Variants in NAA11 observed in about 807,000 individuals in gnomAD.
NAA11 encodes N-alpha-acetyltransferase 11.
A neutral mutation model predicts 16.1 loss-of-function variants in NAA11; 15 were observed. That is an observed-to-expected ratio of 0.93 (90% CI 0.62 to 1.44). The LOEUF (loss-of-function observed/expected upper bound fraction) is 1.44, where lower values mean the gene tolerates loss of function less well. NAA11 is among the 40% of genes most tolerant of loss of function. The pLI, the probability that NAA11 is intolerant of heterozygous loss-of-function variation, is 0.00. For missense variants in NAA11, 298 were observed against 291.3 expected (o/e 1.02, Z -0.17); for synonymous variants, 122 against 112.4 (o/e 1.09, Z -0.54).
At chr4:79,224,783 A>G (rs1213731744), downstream of NAA11, among the ~76,000 whole-genome samples, 2 of 152,150 alleles carry the variant, frequency 1.3e-5, no homozygotes, top group African/African-American at 2.4e-5. Flanking sequence ...GTCAACGTCA[A>G]CAGTGATCAA....
the NAA11 span, among the ~76,000 whole-genome samples, chr4:79,218,664 A>AT: frequency 6.6e-5 from 10 of 151,990 alleles, no homozygotes; most frequent in African/African-American, 2.4e-4. Flanking sequence ...GCTATTTTTT[A>AT]ATATTTTAAT....
the NAA11 span, among the ~76,000 whole-genome samples, chr4:79,168,074 T>A: frequency 6.6e-6 from 1 of 151,684 alleles, no homozygotes; most frequent in African/African-American, 2.4e-5. Flanking sequence ...CCTGTGTCCA[T>A]GTGTTCTAAT....
chr4:79,261,465 T>C (rs2109974269), intron 2 of NAA11, among the ~76,000 whole-genome samples: 1 of 152,230 alleles, frequency 6.6e-6, no homozygotes, highest in South Asian at 2.1e-4. Context: ...TAATAGAAAA[T>C]CTCAGGCGAC....
the NAA11 span, among the ~76,000 whole-genome samples, chr4:79,157,895 A>G: frequency 2.1e-5 from 3 of 145,576 alleles, no homozygotes; most frequent in African/African-American, 5.2e-5. Flanking sequence ...CTGATTGCTG[A>G]TGATTTTTTT....
At chr4:79,200,637 G>A in the NAA11 span, among the ~76,000 whole-genome samples, 3 of 151,876 alleles carry the variant, frequency 2.0e-5, no homozygotes, top group East Asian at 5.8e-4. Flanking sequence ...AAGGTTTAAC[G>A]TGGGAAATTC....
At chr4:79,293,650 T>C (rs1327238385) in intron 2 of NAA11, among the ~76,000 whole-genome samples, 1 of 152,154 alleles carries the variant, frequency 6.6e-6, no homozygotes, top group African/African-American at 2.4e-5. Context: ...GTTTACATGG[T>C]CAACCCAGAA....
chr4:79,316,542 A>T (rs1307292589), downstream of NAA11: 1 of 152,216 alleles, frequency 6.6e-6, no homozygotes, highest in African/African-American at 2.4e-5. Flanking sequence ...GCTTTGACTT[A>T]AATCCATACA....
intron 2 of NAA11, among the ~76,000 whole-genome samples, chr4:79,283,342 G>C (rs577924283): frequency 4.9e-4 from 74 of 151,956 alleles, no homozygotes; most frequent in Non-Finnish European, 8.8e-4. Context: ...AGGAAGAAAA[G>C]TTAATAATGT....
At chr4:79,273,176 G>A (rs190930432) in intron 2 of NAA11, among the ~76,000 whole-genome samples, 3 of 152,062 alleles carry the variant, frequency 2.0e-5, no homozygotes, top group Non-Finnish European at 4.4e-5. Flanking sequence ...TCCACCTTTC[G>A]ATGGGGGAGT....
intron 2 of NAA11, among the ~76,000 whole-genome samples, chr4:79,227,052 A>C (rs949531061): frequency 2.0e-5 from 3 of 152,084 alleles, no homozygotes; most frequent in African/African-American, 7.2e-5. Context: ...CCAACAGTGT[A>C]AAAGTGTTCC....
At chr4:79,164,111 C>G in the NAA11 span, among the ~76,000 whole-genome samples, 32 of 152,196 alleles carry the variant, frequency 2.1e-4, no homozygotes, top group African/African-American at 7.7e-4. Context: ...CAGGTTGATT[C>G]ATTTCATAGA....
intron 1 of NAA11, among the ~76,000 whole-genome samples, chr4:79,295,001 C>G (rs1371880707): frequency 6.6e-6 from 1 of 152,120 alleles, no homozygotes; most frequent in African/African-American, 2.4e-5. Flanking sequence ...AAATTGCTTT[C>G]CATTACTGAA....
chr4:79,283,929 T>G (rs1722852747), intron 2 of NAA11, among the ~76,000 whole-genome samples: 1 of 152,136 alleles, frequency 6.6e-6, no homozygotes, highest in South Asian at 2.1e-4. Flanking sequence ...TCCTTACCTA[T>G]CCATCCCTAT....
At chr4:79,307,503 TAGA>T (rs1412816013) in intron 1 of NAA11, among the ~76,000 whole-genome samples, 1 of 152,214 alleles carries the variant, frequency 6.6e-6, no homozygotes, top group East Asian at 1.9e-4. Flanking sequence ...ACATGATTAT[TAGA>T]AGATCAAAAA....
intron 2 of NAA11, among the ~76,000 whole-genome samples, chr4:79,265,199 T>G (rs1722317326): frequency 6.6e-6 from 1 of 152,146 alleles, no homozygotes; most frequent in South Asian, 2.1e-4. Context: ...TCAAATCATA[T>G]TTCAAGTCTC....
chr4:79,194,587 A>T, the NAA11 span, among the ~76,000 whole-genome samples: 8 of 152,074 alleles, frequency 5.3e-5, no homozygotes, highest in Non-Finnish European at 1.0e-4. Context: ...GAAAGGAACT[A>T]AAAGGCCTGA....
chr4:79,192,775 C>T, the NAA11 span, among the ~76,000 whole-genome samples: 145,748 of 146,012 alleles, frequency 1, 72,742 homozygotes, highest in Middle Eastern at 1. Flanking sequence ...ATGGTATTTC[C>T]AGTTCTAGAT....
At chr4:79,215,971 T>G in the NAA11 span, among the ~76,000 whole-genome samples, 2 of 152,204 alleles carry the variant, frequency 1.3e-5, no homozygotes, top group Non-Finnish European at 2.9e-5. Context: ...AAACCATAAC[T>G]ATTACAGATT....
chr4:79,297,687 T>A (rs983471335), intron 1 of NAA11, among the ~76,000 whole-genome samples: 3 of 152,190 alleles, frequency 2.0e-5, no homozygotes, highest in African/African-American at 7.2e-5. Context: ...CTCCAGACTT[T>A]GGGTGCCAAT....
Sources: gnomAD v4.1 joint callset for allele counts (sites outside exome capture counted in the v4.1 genomes callset) on GRCh38, gnomAD v4.1.1 for gene constraint, MANE v1.5 for transcripts, NCBI Gene and HGNC (gene_info 2026-07-23, HGNC 2026-07-21) for gene names.